CDC42BPA: variants seen among roughly 807,000 people sequenced by gnomAD.
CDC42BPA encodes the protein serine/threonine-protein kinase MRCK alpha.
A neutral mutation model predicts 223.5 loss-of-function variants in CDC42BPA; 80 were observed. The observed-to-expected ratio is 0.36, with a 90% CI of 0.30 to 0.43. The LOEUF is 0.43. CDC42BPA is among the 20% of genes least tolerant of loss of function. The pLI is 1.00. For missense variants in CDC42BPA, 1,743 were observed against 2,099.9 expected, an observed-to-expected ratio of 0.83 and a Z score of 3.32; for synonymous variants, 694 against 718.6, an observed-to-expected ratio of 0.97 and a Z score of 0.55.
intron 2 of CDC42BPA, among the ~76,000 whole-genome samples, chr1:227,238,699 G>C (rs1442484660): frequency 6.6e-6 from 1 of 152,138 alleles, no homozygotes; most frequent in Non-Finnish European, 1.5e-5. Context: ...AAGAAAGCTG[G>C]CTATACTGAG....
chr1:227,174,608 T>A (rs936087453), intron 5 of CDC42BPA, among the ~76,000 whole-genome samples: 2 of 152,146 alleles, frequency 1.3e-5, no homozygotes, highest in Admixed American at 6.5e-5. Context: ...CCACATTATA[T>A]AAAATATTAT....
chr1:227,080,482 C>G (rs933296355), intron 17 of CDC42BPA, among the ~76,000 whole-genome samples: 3 of 152,080 alleles, frequency 2.0e-5, no homozygotes, highest in African/African-American at 4.8e-5. Flanking sequence ...TACAAGATAA[C>G]AGTACAGTAT....
At chr1:227,237,672 A>G (rs1319233900) in intron 2 of CDC42BPA, among the ~76,000 whole-genome samples, 2 of 152,176 alleles carry the variant, frequency 1.3e-5, no homozygotes, top group African/African-American at 2.4e-5. Flanking sequence ...TTGTCCTGGA[A>G]TATGTAAGAG....
At chr1:227,192,219 C>T (rs1669837629) in intron 5 of CDC42BPA, among the ~76,000 whole-genome samples, 1 of 152,154 alleles carries the variant, frequency 6.6e-6, no homozygotes, top group Admixed American at 6.5e-5. Flanking sequence ...GAAACAGAAA[C>T]ATTCTACTCC....
chr1:227,217,952 T>C (rs1018823083), intron 2 of CDC42BPA, among the ~76,000 whole-genome samples: 2 of 152,228 alleles, frequency 1.3e-5, no homozygotes, highest in Admixed American at 6.5e-5. Flanking sequence ...TTTAAGTACT[T>C]TGTTCATTGT....
At chr1:227,212,106 A>T (rs1056982155) in intron 3 of CDC42BPA, among the ~76,000 whole-genome samples, 7 of 145,838 alleles carry the variant, frequency 4.8e-5, no homozygotes, top group Non-Finnish European at 1.1e-4. Context: ...TTTTTAGTTT[A>T]AAAAAAAAAA....
At chr1:227,101,315 A>G in intron 14 of CDC42BPA, 76 bp from the exon 15 acceptor site, 4 of 890,106 alleles carry the variant, frequency 4.5e-6, no homozygotes, top group Non-Finnish European at 3.3e-6. Context: ...TCTGTAATAT[A>G]AATGAGTATT....
intron 7 of CDC42BPA, among the ~76,000 whole-genome samples, chr1:227,147,151 T>C (rs1316530189): frequency 3.9e-5 from 6 of 152,176 alleles, no homozygotes; most frequent in Non-Finnish European, 2.9e-5. Flanking sequence ...AATTTCCTAC[T>C]TAGCGGCATC....
intron 3 of CDC42BPA, among the ~76,000 whole-genome samples, chr1:227,210,578 T>A (rs1288074921): frequency 6.6e-6 from 1 of 152,200 alleles, no homozygotes; most frequent in Non-Finnish European, 1.5e-5. Context: ...ATTTTGAATT[T>A]TGCCACTTCC....
Position 227,018,641 on chromosome 1 carries a change from T to C in CDC42BPA, c.4616-1591A>G, listed in dbSNP as rs532362241. On this transcript the variant is annotated intron_variant, in intron 32 of 36. Transcript: ENST00000366766. ...AGGTGGAGCCAATCTTATACAAATA[T>C]GTGGAGTTCCTCTAAGAAACAGAAT... Among the ~76,000 whole-genome samples, 59 of 151,922 alleles carry C rather than the reference T, an allele frequency of 3.9e-4. No individual in the cohort carries two copies. The South Asian group carries it at 0.011, about 29-fold the overall frequency.
chr1:227,047,930 A>G lies in CDC42BPA; in HGVS notation c.3090T>C (p.Pro1030=). The change falls in exon 23 of 37, where the codon CCT becomes CCC. Residue 1030 remains proline, a synonymous_variant. Coordinates refer to ENST00000366766, the MANE Select transcript of CDC42BPA (RefSeq NM_001394014.1). Reference sequence around the variant, plus strand: ...TGCTTATAACTAGATTGAGTACCTTAGGTGGAAAGCCAGTTGAACCAGGAC... The same window carrying G: ...TGCTTATAACTAGATTGAGTACCTTGGGTGGAAAGCCAGTTGAACCAGGAC... The part of the protein sequence containing the change: ...KGCPGSTGFP[P]KRKTHQFFVK... 2 of 1,593,014 alleles carry G rather than the reference A, an allele frequency of 1.3e-6. No homozygotes were observed. The highest frequency in any genetic ancestry group is 1.1e-5 in the South Asian group (1 of 90,500).
intron 1 of CDC42BPA, among the ~76,000 whole-genome samples, chr1:227,315,724 A>C (rs2148853218): frequency 6.6e-6 from 1 of 152,284 alleles, no homozygotes; most frequent in Non-Finnish European, 1.5e-5. Flanking sequence ...CTCACTCTTA[A>C]GTGAGAAGTT....
chr1:227,005,147 G>T lies in CDC42BPA; in HGVS notation c.4858-36C>A, dbSNP rs750797728. On this transcript the variant is annotated intron_variant, in intron 34 of 36. Coordinates refer to ENST00000366766, the MANE Select transcript of CDC42BPA (RefSeq NM_001394014.1). ...AAGCGAGAGAGACATCCTTTAGCCAGAAAGAAACTGATTTTTCTGCAGAGA... is the reference window on the plus strand; with the variant it reads ...AAGCGAGAGAGACATCCTTTAGCCATAAAGAAACTGATTTTTCTGCAGAGA... 4.3e-6 allele frequency: 6 copies of T among 1,389,926 alleles called. No homozygotes were observed. In the East Asian group the frequency reaches 9.2e-5, roughly 21 times the overall value. The allele number at this position is 1,389,926 out of a possible 1,614,324, so 86.1% of individuals were successfully genotyped here.
chr1:227,066,591 T>C (rs897886846), intron 21 of CDC42BPA, among the ~76,000 whole-genome samples: 2 of 152,110 alleles, frequency 1.3e-5, no homozygotes, highest in African/African-American at 4.8e-5. Flanking sequence ...AGGGAGATCA[T>C]AGGTACAAAC....
chr1:227,207,492 T>C (rs1266694514), intron 3 of CDC42BPA, among the ~76,000 whole-genome samples: 1 of 145,148 alleles, frequency 6.9e-6, no homozygotes, highest in African/African-American at 2.5e-5. Flanking sequence ...ATTAGGTATA[T>C]CTCCCAATGC....
chr1:227,229,913 C>A (rs1677514143), intron 2 of CDC42BPA, among the ~76,000 whole-genome samples: 1 of 152,034 alleles, frequency 6.6e-6, no homozygotes, highest in Non-Finnish European at 1.5e-5. Context: ...GATTATGTGT[C>A]TGGGTGTAAT....
chr1:227,222,341 TC>T (rs1676076502), intron 2 of CDC42BPA, among the ~76,000 whole-genome samples: 1 of 152,018 alleles, frequency 6.6e-6, no homozygotes, highest in African/African-American at 2.4e-5. Flanking sequence ...AAACCCCATC[TC>T]TACTGAAAAT....
In CDC42BPA at chr1:226,991,977, G is replaced by C. The variant is rs1221054333; in HGVS notation, c.*2291C>G. 1 of 140,546 alleles carries C rather than the reference G, an allele frequency of 7.1e-6. No individual in the cohort carries two copies. The highest frequency in any genetic ancestry group is 2.7e-5 in the African/African-American group (1 of 37,628). 8.7% of individuals were successfully genotyped at this position (140,546 alleles called of 1,614,324 possible). ...GGAGGATGGGGAGGGTGGGGATGGGGAGGGTGGGAAGAGTGAGGAGGAGAG... is the reference window on the plus strand; with the variant it reads ...GGAGGATGGGGAGGGTGGGGATGGGCAGGGTGGGAAGAGTGAGGAGGAGAG... On this transcript the variant is annotated 3_prime_UTR_variant, in exon 37 of 37. Transcript: ENST00000366766.
chr1:227,124,057 T>G (rs1449184067), intron 11 of CDC42BPA, among the ~76,000 whole-genome samples: 2 of 152,180 alleles, frequency 1.3e-5, no homozygotes, highest in Non-Finnish European at 2.9e-5. Context: ...TAAAAAAATT[T>G]TATTTTTGTC....
Sources: gnomAD v4.1 joint callset for allele counts (sites outside exome capture counted in the v4.1 genomes callset) on GRCh38, gnomAD v4.1.1 for gene constraint, MANE v1.5 for transcripts, NCBI Gene and HGNC (gene_info 2026-07-23, HGNC 2026-07-21) for gene names.